Variants in BRSK2 observed in about 807,000 individuals in gnomAD.
BRSK2 encodes the protein serine/threonine-protein kinase BRSK2.
Under a neutral mutation model 83.3 loss-of-function variants are expected in BRSK2, and 19 were observed. The observed-to-expected ratio is 0.23, with a 90% CI of 0.16 to 0.33. BRSK2 has a LOEUF of 0.33. Among genes scored for constraint, BRSK2 ranks in the 10% least tolerant of loss-of-function variants. The pLI is 1.00. For missense variants in BRSK2, 798 were observed against 1,042.3 expected (o/e 0.77, Z 3.23); for synonymous variants, 519 against 435.4 (o/e 1.19, Z -2.39).
At chr11:1,440,224 G>T (rs968529958) in intron 3 of BRSK2, among the ~76,000 whole-genome samples, 1 of 152,172 alleles carries the variant, frequency 6.6e-6, no homozygotes, top group Non-Finnish European at 1.5e-5. Flanking sequence ...CCACGGGGGC[G>T]GTGCTGGGAG....
In BRSK2 at chr11:1,444,045, T is replaced by C. The variant is rs576000960; in HGVS notation, c.780+410T>C. Reference sequence around the variant, plus strand: ...GGGCATGTGCACGTGTGGGGAGGTGTGTCCAGGTGCTTATGAGCACTTGTA... The same window carrying C: ...GGGCATGTGCACGTGTGGGGAGGTGCGTCCAGGTGCTTATGAGCACTTGTA... On this transcript the variant is annotated intron_variant, in intron 8 of 19. Coordinates refer to ENST00000528841, the MANE Select transcript of BRSK2 (RefSeq NM_001256627.2). 6.4e-4 allele frequency among the ~76,000 whole-genome samples: 98 copies of C among 151,954 alleles called. 1 individual carries two copies. The highest frequency in any genetic ancestry group is 2.1e-3 in the African/African-American group (85 of 41,396).
In BRSK2 at chr11:1,390,379, C is replaced by T; in HGVS notation, c.91+4C>T. 1 of 1,012,788 alleles carries T rather than the reference C, an allele frequency of 9.9e-7. No individual in the cohort carries two copies. Among genetic ancestry groups the T allele is most frequent in the African/African-American group, 1.7e-5 (1 of 57,186 alleles). 62.7% of individuals were successfully genotyped at this position (1,012,788 alleles called of 1,614,324 possible). A position where few individuals can be genotyped will look rare whatever the true frequency, so the allele number is the denominator to read the frequency against. ...ACGCTGGGCAAGGGGCAGACAGGTG[C>T]GTGCGGCCGGGGCGGGGACCGGGGC... On this transcript the variant is annotated splice_donor_region_variant and intron_variant, in intron 1 of 19. Coordinates refer to ENST00000528841, the MANE Select transcript of BRSK2 (RefSeq NM_001256627.2). This position sits in a 1 kb window ranked among gnomAD's most constrained non-coding sequence, Gnocchi z 6.8.
rs759688681 is a variant in BRSK2 at position 1,445,917 on chromosome 11, C to A, written c.1226+10C>A. On this transcript the variant is annotated intron_variant, in intron 12 of 19. Transcript: ENST00000528841. ...CCCAGCACGGCCAGAGGTGTGTGTG[C>A]CCCGAGGCTGCTGGGCCTCCCTCCC... 6.3e-7 allele frequency: 1 copy of A among 1,595,866 alleles called. No individual in the cohort carries two copies. The highest frequency in any genetic ancestry group is 8.6e-7 in the Non-Finnish European group (1 of 1,169,448).
intron 18 of BRSK2, among the ~76,000 whole-genome samples, chr11:1,457,377 C>G (rs184207057): frequency 6.6e-6 from 1 of 152,210 alleles, no homozygotes; most frequent in Non-Finnish European, 1.5e-5. Flanking sequence ...CCAGCCAGAG[C>G]GGGGGCTTCA....
intron 8 of BRSK2, 75 bp from the exon 9 acceptor site, chr11:1,444,896 C>CGGA (rs1372213327): frequency 1.7e-4 from 243 of 1,414,834 alleles, no homozygotes; most frequent in Non-Finnish European, 2.3e-4. Context: ...GCGCCCCTGC[C>CGGA]TTCCCCCTCA....
chr11:1,411,316 C>T lies in BRSK2; in HGVS notation c.91+20941C>T, dbSNP rs142330918. The T allele has an allele frequency of 1.4e-3, 1,951 of 1,351,672 alleles. 3 individuals are homozygous for T. Among genetic ancestry groups the T allele is most frequent in the Non-Finnish European group, 1.8e-3 (1,870 of 1,056,922 alleles). 83.7% of individuals were successfully genotyped at this position (1,351,672 alleles called of 1,614,324 possible). On this transcript the variant is annotated intron_variant, in intron 1 of 19. Coordinates refer to ENST00000528841, the MANE Select transcript of BRSK2 (RefSeq NM_001256627.2). ...CGCCATGGCCTGCCCGGGTGGGGTCCTGAAGCTGGGGCCGGAGCAGGGGGC... is the reference window on the plus strand; with the variant it reads ...CGCCATGGCCTGCCCGGGTGGGGTCTTGAAGCTGGGGCCGGAGCAGGGGGC...
chr11:1,452,975 C>CGGTTGTCTGG (rs1489733878), intron 15 of BRSK2, among the ~76,000 whole-genome samples: 1 of 152,202 alleles, frequency 6.6e-6, no homozygotes, highest in Non-Finnish European at 1.5e-5. Context: ...GGGATGCATG[C>CGGTTGTCTGG]GGTTGTCTGG....
intron 1 of BRSK2, among the ~76,000 whole-genome samples, chr11:1,422,037 C>G (rs916209521): frequency 2.0e-5 from 3 of 151,948 alleles, no homozygotes; most frequent in Non-Finnish European, 4.4e-5. Flanking sequence ...GGGTGCCCCA[C>G]GGGGGGAGGG....
At chr11:1,399,374 C>G (rs1331206713) in intron 1 of BRSK2, among the ~76,000 whole-genome samples, 1 of 152,184 alleles carries the variant, frequency 6.6e-6, no homozygotes, top group South Asian at 2.1e-4. Flanking sequence ...CAGCGTCAGC[C>G]TCAGGACAGC....
intron 14 of BRSK2, 64 bp downstream of exon 14, chr11:1,450,858 GC>G: frequency 2.1e-6 from 3 of 1,451,468 alleles, no homozygotes; most frequent in Non-Finnish European, 2.8e-6. Context: ...CTTGGGGAGG[GC>G]CCCGCCCGGC....
rs1466298713 is a variant in BRSK2, at chr11:1,389,957, C to G, written c.-328C>G. 6.7e-6 allele frequency: 1 copy of G among 149,004 alleles called. No individual in the cohort carries two copies. Among genetic ancestry groups the G allele is most frequent in the Non-Finnish European group, 1.5e-5 (1 of 66,590 alleles). The allele number at this position is 149,004 out of a possible 1,614,324, so 9.2% of individuals were successfully genotyped here. ...TCGGCTCGGCTCGGCTGCGCGGCCG[C>G]TGACGGGCGTGCGCTGGGGGCGCGG... On this transcript the variant is annotated 5_prime_UTR_variant, in exon 1 of 20. Transcript: ENST00000528841. This position sits in a 1 kb window ranked among gnomAD's most constrained non-coding sequence, Gnocchi z 4.1.
At chr11:1,453,616 G>A (rs1846078520) in intron 15 of BRSK2, among the ~76,000 whole-genome samples, 1 of 152,230 alleles carries the variant, frequency 6.6e-6, no homozygotes, top group Non-Finnish European at 1.5e-5. Context: ...TTGTCCGGCA[G>A]GACTCCCAGG....
intron 5 of BRSK2, 69 bp downstream of exon 5, chr11:1,442,675 C>G (rs2133088232): frequency 7.6e-7 from 1 of 1,319,586 alleles, no homozygotes; most frequent in East Asian, 2.4e-5. Context: ...AGCCAGTGGA[C>G]TGAGAGGCCC....
rs755908252 is a variant in BRSK2 at position 1,443,316 on chromosome 11, C to T, written c.565-19C>T. 133 of 1,600,054 alleles carry T rather than the reference C, an allele frequency of 8.3e-5. No individual in the cohort carries two copies. The highest frequency in any genetic ancestry group is 1.5e-4 in the African/African-American group (11 of 74,680). ...CCCTGCCCTGCGCCCCCCAACAGCC[C>T]GGGCACTGCTGTCCACAGGGGGAGA... On this transcript the variant is annotated intron_variant, in intron 6 of 19. Coordinates refer to ENST00000528841, the MANE Select transcript of BRSK2 (RefSeq NM_001256627.2).
intron 1 of BRSK2, among the ~76,000 whole-genome samples, chr11:1,399,680 G>T (rs1846346344): frequency 6.6e-6 from 1 of 152,176 alleles, no homozygotes; most frequent in African/African-American, 2.4e-5. Context: ...AGTAACCCCG[G>T]ACACATCCCA....
chr11:1,403,142 G>A (rs973786792), intron 1 of BRSK2, among the ~76,000 whole-genome samples: 3 of 152,134 alleles, frequency 2.0e-5, no homozygotes, highest in Non-Finnish European at 2.9e-5. Context: ...TGTGGGGTCA[G>A]CTGGCTTGGG....
chr11:1,452,268 G>A (rs1845895911), intron 15 of BRSK2, among the ~76,000 whole-genome samples: 1 of 152,182 alleles, frequency 6.6e-6, no homozygotes, highest in African/African-American at 2.4e-5. Context: ...TGCAGCCTGT[G>A]CCAGGATTCC....
chr11:1,419,480 G>C (rs528425287), intron 1 of BRSK2, among the ~76,000 whole-genome samples: 1 of 152,308 alleles, frequency 6.6e-6, no homozygotes, highest in African/African-American at 2.4e-5. Flanking sequence ...TATTTAAATA[G>C]TTTCTTATTC....
At chr11:1,448,002 C>G (rs377678940) in intron 12 of BRSK2, 2 of 872,884 alleles carry the variant, frequency 2.3e-6, no homozygotes, top group East Asian at 2.7e-5. Flanking sequence ...GCCAGCAAGC[C>G]AGGCAAGGGC....
Sources: allele counts gnomAD v4.1 joint callset (sites outside exome capture counted in the v4.1 genomes callset), GRCh38; gene constraint gnomAD v4.1.1; non-coding constraint Gnocchi (gnomAD v3.1); transcripts MANE v1.5; gene names NCBI Gene and HGNC (gene_info 2026-07-23, HGNC 2026-07-21).